LARGE1: variants seen among roughly 807,000 people sequenced by gnomAD.
LARGE1 encodes LARGE xylosyl- and glucuronyltransferase 1.
A neutral mutation model predicts 87.6 loss-of-function variants in LARGE1; 43 were observed. That is an observed-to-expected ratio of 0.49 (90% CI 0.38 to 0.63). The LOEUF (loss-of-function observed/expected upper bound fraction) is 0.63, where lower values mean the gene tolerates loss of function less well. Among genes scored for constraint, LARGE1 ranks in the 30% least tolerant of loss-of-function variants. The pLI is 0.00. For missense variants in LARGE1, 802 were observed against 1,000.2 expected (o/e 0.80, Z 2.67); for synonymous variants, 434 against 394.6 (o/e 1.10, Z -1.18).
At chr22:33,584,864 C>T (rs929419447) in intron 5 of LARGE1, among the ~76,000 whole-genome samples, 1 of 152,204 alleles carries the variant, frequency 6.6e-6, no homozygotes, top group Non-Finnish European at 1.5e-5. Context: ...CGCCTGTAAT[C>T]CCAGCATTTT....
At chr22:33,919,435 T>G (rs2267325) in intron 1 of LARGE1, among the ~76,000 whole-genome samples, 52,818 of 152,096 alleles carry the variant, frequency 0.35, 9,468 homozygotes, top group East Asian at 0.54. Flanking sequence ...ACAAGCAGCT[T>G]TGACTAACAG....
chr22:33,325,276 C>A (rs1937139517), intron 10 of LARGE1, among the ~76,000 whole-genome samples: 1 of 152,240 alleles, frequency 6.6e-6, no homozygotes, highest in East Asian at 1.9e-4. Context: ...TTCCTGGGCA[C>A]AGAGCTAGGC....
chr22:33,902,586 C>T (rs2065314301), intron 1 of LARGE1, among the ~76,000 whole-genome samples: 1 of 152,210 alleles, frequency 6.6e-6, no homozygotes, highest in Non-Finnish European at 1.5e-5. Context: ...AAAGGGAAAG[C>T]AGTACCCGAA....
At chr22:33,562,654 G>A (rs1223950523) in intron 6 of LARGE1, among the ~76,000 whole-genome samples, 1 of 152,116 alleles carries the variant, frequency 6.6e-6, no homozygotes, top group Admixed American at 6.6e-5. Flanking sequence ...CAAGAGCTCT[G>A]GTGCCTTCCC....
intron 1 of LARGE1, among the ~76,000 whole-genome samples, chr22:33,859,814 G>A (rs1023773006): frequency 6.6e-6 from 1 of 152,150 alleles, no homozygotes; most frequent in Admixed American, 6.5e-5. Context: ...AAATATCATC[G>A]ACACGCTACA....
intron 1 of LARGE1, among the ~76,000 whole-genome samples, chr22:33,892,472 C>A (rs1345969499): frequency 6.6e-6 from 1 of 152,216 alleles, no homozygotes; most frequent in Non-Finnish European, 1.5e-5. Context: ...AAGCTAGTCA[C>A]ATGGTGAAAC....
At chr22:33,387,299 C>T (rs866960956) in intron 7 of LARGE1, among the ~76,000 whole-genome samples, 4 of 123,806 alleles carry the variant, frequency 3.2e-5, no homozygotes, top group Non-Finnish European at 3.8e-5. Context: ...TGGTGGTGCA[C>T]GCCTGTAGTC....
At chr22:33,532,937 C>T (rs1323283644) in intron 6 of LARGE1, among the ~76,000 whole-genome samples, 2 of 152,094 alleles carry the variant, frequency 1.3e-5, no homozygotes, top group South Asian at 2.1e-4. Context: ...GAGCAAGACA[C>T]GTGGTAGGTT....
At chr22:33,908,691 C>T (rs1312522338) in intron 1 of LARGE1, among the ~76,000 whole-genome samples, 1 of 152,036 alleles carries the variant, frequency 6.6e-6, no homozygotes, top group Admixed American at 6.5e-5. Context: ...TAGAGAAACC[C>T]TCATTCCTTA....
At chr22:33,657,751 C>G (rs900449677) in intron 2 of LARGE1, among the ~76,000 whole-genome samples, 2 of 152,104 alleles carry the variant, frequency 1.3e-5, no homozygotes, top group Admixed American at 1.3e-4. Context: ...CTATTTCCAC[C>G]ACGTTTGCAG....
intron 5 of LARGE1, among the ~76,000 whole-genome samples, chr22:33,598,763 C>T (rs761225487): frequency 6.6e-6 from 1 of 152,154 alleles, no homozygotes; most frequent in Non-Finnish European, 1.5e-5. Flanking sequence ...TTTCTTGATC[C>T]AGTCTATCAT....
chr22:33,102,887 G>A, the LARGE1 span, among the ~76,000 whole-genome samples: 1 of 152,032 alleles, frequency 6.6e-6, no homozygotes, highest in Non-Finnish European at 1.5e-5. Context: ...ACTGTGTCTG[G>A]GTGGAAATCT....
At chr22:33,072,255 G>A in the LARGE1 span, among the ~76,000 whole-genome samples, 1 of 152,148 alleles carries the variant, frequency 6.6e-6, no homozygotes, top group Non-Finnish European at 1.5e-5. Flanking sequence ...TTTTTGATGT[G>A]CAAATTAAAA....
intron 6 of LARGE1, among the ~76,000 whole-genome samples, chr22:33,495,147 T>A (rs565788783): frequency 3.2e-4 from 43 of 136,240 alleles, no homozygotes; most frequent in African/African-American, 1.2e-3. Flanking sequence ...TTTCTCTCCA[T>A]CAAACATCAC....
chr22:33,553,389 G>A (rs2077585345), intron 6 of LARGE1, among the ~76,000 whole-genome samples: 1 of 152,092 alleles, frequency 6.6e-6, no homozygotes, highest in South Asian at 2.1e-4. Context: ...GGTAGCACAT[G>A]CCTACAGTCC....
At chr22:33,575,856 C>T (rs756455108) in intron 5 of LARGE1, among the ~76,000 whole-genome samples, 9 of 152,192 alleles carry the variant, frequency 5.9e-5, no homozygotes, top group South Asian at 2.1e-4. Context: ...CCTCTCTCAT[C>T]GCCCAGCAAG....
intron 11 of LARGE1, among the ~76,000 whole-genome samples, chr22:33,230,410 G>T (rs1033303845): frequency 2.0e-5 from 3 of 152,114 alleles, no homozygotes; most frequent in Non-Finnish European, 4.4e-5. Context: ...GCTTTGGTGA[G>T]ATTCCTAGAG....
intron 2 of LARGE1, among the ~76,000 whole-genome samples, chr22:33,714,852 C>T (rs2082863732): frequency 1.3e-5 from 2 of 152,196 alleles, no homozygotes; most frequent in South Asian, 2.1e-4. Flanking sequence ...GTGATTACCT[C>T]GTGTGTAATG....
chr22:33,705,053 A>G (rs1028407968), intron 2 of LARGE1: 2 of 152,306 alleles, frequency 1.3e-5, no homozygotes, highest in Non-Finnish European at 2.9e-5. Context: ...TCAAAACAGT[A>G]GGGTGTGGCC....
Sources: gnomAD v4.1 joint callset for allele counts (sites outside exome capture counted in the v4.1 genomes callset) on GRCh38, gnomAD v4.1.1 for gene constraint, MANE v1.5 for transcripts, NCBI Gene and HGNC (gene_info 2026-07-23, HGNC 2026-07-21) for gene names.